ZMYM2: variants seen among roughly 807,000 people sequenced by gnomAD.
The protein encoded by ZMYM2 is zinc finger MYM-type protein 2.
A neutral mutation model predicts 162.8 loss-of-function variants in ZMYM2; 56 were observed. The observed-to-expected ratio is 0.34, with a 90% CI of 0.28 to 0.43. The LOEUF (loss-of-function observed/expected upper bound fraction) is 0.43, where lower values mean the gene tolerates loss of function less well. Among genes scored for constraint, ZMYM2 ranks in the 20% least tolerant of loss-of-function variants. ZMYM2 has a pLI of 1.00. For synonymous variants in ZMYM2, 510 were observed against 541.6 expected, an observed-to-expected ratio of 0.94 and a Z score of 0.81; for missense variants, 1,275 against 1,621.8, an observed-to-expected ratio of 0.79 and a Z score of 3.67.
the ZMYM2 span, among the ~76,000 whole-genome samples, chr13:19,936,722 A>AAAAT: frequency 8.7e-3 from 1,322 of 152,214 alleles, 26 homozygotes; most frequent in African/African-American, 0.03. Flanking sequence ...CTATGTCTCA[A>AAAAT]AAATAAATAA....
chr13:20,061,371 A>AGATACGGCAACCACC, intron 17 of ZMYM2, 147 bp downstream of exon 17: 1 of 695,012 alleles, frequency 1.4e-6, no homozygotes, highest in South Asian at 3.0e-5. Context: ...TTTTATATTA[A>AGATACGGCAACCACC]GAGATCTACA....
At chr13:20,008,508 G>A (rs528573244) in intron 6 of ZMYM2, among the ~76,000 whole-genome samples, 116 of 152,356 alleles carry the variant, frequency 7.6e-4, no homozygotes, top group Middle Eastern at 3.4e-3. Context: ...AAACGACATA[G>A]TATCAAAGGT....
intron 21 of ZMYM2, chr13:20,068,449 T>C (rs1593213729): frequency 6.3e-6 from 1 of 159,674 alleles, no homozygotes; most frequent in East Asian, 1.5e-4. Flanking sequence ...TTAATGTTTC[T>C]AAACAAGTAC....
the ZMYM2 span, among the ~76,000 whole-genome samples, chr13:19,867,181 C>T: frequency 6.6e-6 from 1 of 151,878 alleles, no homozygotes; most frequent in Non-Finnish European, 1.5e-5. Context: ...GGAGAAACCC[C>T]GTCTCTGCTA....
chr13:20,002,379 T>G (rs1260981243), intron 3 of ZMYM2, among the ~76,000 whole-genome samples: 3 of 152,234 alleles, frequency 2.0e-5, no homozygotes, highest in African/African-American at 7.2e-5. Context: ...ATGTTTACCA[T>G]TAGCATGAGG....
intron 15 of ZMYM2, chr13:20,058,931 A>C (rs1956020406): frequency 3.1e-6 from 2 of 655,394 alleles, no homozygotes; most frequent in Non-Finnish European, 5.4e-6. Context: ...ATTATGTCAA[A>C]AGTGAAAAAA....
the ZMYM2 span, among the ~76,000 whole-genome samples, chr13:19,907,606 A>G: frequency 6.6e-6 from 1 of 151,732 alleles, no homozygotes; most frequent in Non-Finnish European, 1.5e-5. Context: ...CTAAAAATAC[A>G]AAAAAATTAG....
At chr13:20,006,650 T>G in intron 6 of ZMYM2, 64 bp downstream of exon 6, 1 of 1,484,606 alleles carries the variant, frequency 6.7e-7, no homozygotes, top group Non-Finnish European at 9.3e-7. Context: ...TTGTAATACT[T>G]TTACTCTAAC....
intron 12 of ZMYM2, among the ~76,000 whole-genome samples, chr13:20,040,114 G>A (rs929951977): frequency 7.2e-5 from 11 of 152,176 alleles, no homozygotes; most frequent in Admixed American, 2.0e-4. Flanking sequence ...AATGAGTTAG[G>A]GAGAAGTCCC....
chr13:20,067,121 C>T (rs1375764359), intron 20 of ZMYM2, 102 bp downstream of exon 20: 9 of 1,374,686 alleles, frequency 6.5e-6, no homozygotes. Context: ...CTTAAAATAC[C>T]TGTAAGAATG....
the ZMYM2 span, among the ~76,000 whole-genome samples, chr13:19,883,892 G>T: frequency 6.6e-6 from 1 of 152,156 alleles, no homozygotes; most frequent in Non-Finnish European, 1.5e-5. Flanking sequence ...GCGTAGCTGG[G>T]ATTACAAGGG....
At chr13:20,025,921 C>CAT (rs1952542828) in intron 7 of ZMYM2, 1 of 152,088 alleles carries the variant, frequency 6.6e-6, no homozygotes, top group Middle Eastern at 3.2e-3. Context: ...ATTACAATCA[C>CAT]TGAGTGAAAC....
chr13:19,942,552 A>T, the ZMYM2 span, among the ~76,000 whole-genome samples: 1 of 151,626 alleles, frequency 6.6e-6, no homozygotes, highest in Admixed American at 6.6e-5. Context: ...AAAAAAAAAA[A>T]AAAGAAAATT....
intron 3 of ZMYM2, among the ~76,000 whole-genome samples, chr13:20,001,810 A>G (rs1233619347): frequency 6.6e-6 from 1 of 152,254 alleles, no homozygotes. Context: ...CAGAAAGATT[A>G]CAGCTTGATG....
At chr13:19,917,037 G>C in the ZMYM2 span, among the ~76,000 whole-genome samples, 13 of 152,058 alleles carry the variant, frequency 8.5e-5, no homozygotes, top group African/African-American at 2.4e-4. Context: ...ATCTCCGCTC[G>C]CTGCAAACTC....
the ZMYM2 span, among the ~76,000 whole-genome samples, chr13:19,869,741 T>C: frequency 6.6e-6 from 1 of 152,084 alleles, no homozygotes; most frequent in Non-Finnish European, 1.5e-5. Context: ...TGGGCTGTCA[T>C]TGTGCCACTG....
chr13:19,996,420 T>C (rs532045945), intron 3 of ZMYM2, among the ~76,000 whole-genome samples: 28 of 151,464 alleles, frequency 1.8e-4, no homozygotes, highest in Non-Finnish European at 3.7e-4. Flanking sequence ...TTGTCTCTAC[T>C]AAAGATAAAA....
the ZMYM2 span, among the ~76,000 whole-genome samples, chr13:19,945,895 G>T: frequency 1.4e-5 from 2 of 140,820 alleles, no homozygotes; most frequent in Non-Finnish European, 3.0e-5. Context: ...GTTGTGGTGA[G>T]CCAAGATCGT....
intron 12 of ZMYM2, among the ~76,000 whole-genome samples, chr13:20,047,331 GTAAAC>G: frequency 6.6e-6 from 1 of 152,190 alleles, no homozygotes; most frequent in South Asian, 2.1e-4. Context: ...TGAAAATGTG[GTAAAC>G]TAATTATGGG....
Sources: allele counts gnomAD v4.1 joint callset (sites outside exome capture counted in the v4.1 genomes callset), GRCh38; gene constraint gnomAD v4.1.1; transcripts MANE v1.5; gene names NCBI Gene and HGNC (gene_info 2026-07-23, HGNC 2026-07-21).